The following REV3L variants were observed in gnomAD, a reference collection of about 807,000 sequenced individuals.
The protein encoded by REV3L is REV3 like, DNA directed polymerase zeta catalytic subunit, also known as DNA polymerase zeta catalytic subunit.
In REV3L, 69 loss-of-function variants were observed where a neutral mutation model predicts 299.4. The ratio of observed to expected loss-of-function variants is 0.23; its 90% CI spans 0.19 to 0.28. REV3L has a LOEUF of 0.28. Ranked by LOEUF, REV3L falls within the 10% of genes least tolerant of loss-of-function variation. REV3L has a pLI of 1.00. For missense variants in REV3L, 3,128 were observed against 3,693.8 expected, an observed-to-expected ratio of 0.85 and a Z score of 3.97; for synonymous variants, 1,238 against 1,271.4, an observed-to-expected ratio of 0.97 and a Z score of 0.56.
At chr6:111,420,533 C>T (rs867934821) in intron 1 of REV3L, among the ~76,000 whole-genome samples, 1 of 152,192 alleles carries the variant, frequency 6.6e-6, no homozygotes. Flanking sequence ...AAGGTTCCCT[C>T]TTACTATCAT....
chr6:111,305,378 T>C (rs887648166), intron 31 of REV3L, among the ~76,000 whole-genome samples: 2 of 151,740 alleles, frequency 1.3e-5, no homozygotes, highest in Non-Finnish European at 2.9e-5. Context: ...ATTGCTTGAG[T>C]CCAACAGTTT....
chr6:111,399,042 G>T (rs1213972212), intron 4 of REV3L, among the ~76,000 whole-genome samples: 1 of 152,050 alleles, frequency 6.6e-6, no homozygotes, highest in Admixed American at 6.5e-5. Flanking sequence ...ACCCTTCTGA[G>T]TACCATTCCA....
intron 7 of REV3L, 125 bp from the exon 8 acceptor site, chr6:111,388,210 C>T: frequency 3.2e-6 from 2 of 632,700 alleles, no homozygotes; most frequent in East Asian, 2.7e-5. Context: ...CATAATACAA[C>T]CTAACTGTAG....
At position 111,329,884 on chromosome 6, in the gene REV3L, A is replaced by G. The variant is rs778257870; in HGVS notation, c.8035-146T>C. The G allele has an allele frequency of 3.9e-4, 248 of 640,798 alleles. 1 individual carries two copies. Among genetic ancestry groups the G allele is most frequent in the Non-Finnish European group, 5.8e-4 (214 of 371,556 alleles). The allele number at this position is 640,798 out of a possible 1,614,324, so 39.7% of individuals were successfully genotyped here. A position where few individuals can be genotyped will look rare whatever the true frequency, so the allele number is the denominator to read the frequency against. ...GTGACCATAGTATTAGTGGCCGTCA[A>G]TATAAAATCATCACATTTTATTTCT... On this transcript the variant is annotated intron_variant, in intron 24 of 31. Transcript: ENST00000368802.
intron 13 of REV3L, 24 bp downstream of exon 13, chr6:111,372,572 C>T (rs1351442587): frequency 6.8e-7 from 1 of 1,463,762 alleles, no homozygotes; most frequent in African/African-American, 1.4e-5. Flanking sequence ...TCAGAGTGAC[C>T]CAAGGGAAAA....
chr6:111,372,045 A>G (rs1280464514), intron 13 of REV3L, among the ~76,000 whole-genome samples: 1 of 152,216 alleles, frequency 6.6e-6, no homozygotes, highest in African/African-American at 2.4e-5. Context: ...CCATTTGCTA[A>G]TAACTGCATA....
At chr6:111,323,889 A>G (rs1050334583) in intron 25 of REV3L, among the ~76,000 whole-genome samples, 2 of 152,260 alleles carry the variant, frequency 1.3e-5, no homozygotes, top group Admixed American at 6.5e-5. Context: ...AATAGTATTT[A>G]AAAGGCTATT....
chr6:111,317,555 T>C (rs1250579783), intron 26 of REV3L, among the ~76,000 whole-genome samples: 1 of 152,184 alleles, frequency 6.6e-6, no homozygotes, highest in Non-Finnish European at 1.5e-5. Flanking sequence ...GGCATAATCA[T>C]GGCTCACTGC....
At chr6:111,344,191 T>C (rs1472969797) in intron 20 of REV3L, 148 bp from the exon 21 acceptor site, 1 of 591,040 alleles carries the variant, frequency 1.7e-6, no homozygotes, top group African/African-American at 1.9e-5. Flanking sequence ...TGAATCATAA[T>C]TCAAAACTAT....
chr6:111,349,678 TG>T (rs1223958749), intron 19 of REV3L, among the ~76,000 whole-genome samples: 3 of 152,198 alleles, frequency 2.0e-5, no homozygotes, highest in Non-Finnish European at 4.4e-5. Context: ...GCAATCCGCC[TG>T]CCTCAGCTGC....
chr6:111,377,832 C>A lies in REV3L; in HGVS notation c.1466G>T (p.Arg489Ile). 1 of 1,611,452 alleles carries A rather than the reference C, an allele frequency of 6.2e-7. No homozygotes were observed. The highest frequency in any genetic ancestry group is 8.5e-7 in the Non-Finnish European group (1 of 1,179,014). Reference sequence around the variant, plus strand: ...TTCAGTTGAACTTCTGTGGGTATTTCTGCACAGTGATCTGGAGAACATTAA... The same window carrying A: ...TTCAGTTGAACTTCTGTGGGTATTTATGCACAGTGATCTGGAGAACATTAA... The part of the protein sequence containing the change: ...EHCAKKRSLC[R>I]NTHRSSTEDD... Residue 489 changes from arginine to isoleucine, a missense_variant, in exon 12 of 32, where the codon AGA (arginine) becomes ATA (isoleucine). Physicochemically the swap from Arg to Ile is moderately conservative, Grantham distance 97. This residue lies in a region of REV3L where 2,409 missense variants were observed against 2,611.8 expected (regional missense o/e 0.92). Transcript: ENST00000368802.
At chr6:111,432,193 G>T (rs889033561) in intron 1 of REV3L, among the ~76,000 whole-genome samples, 1 of 152,190 alleles carries the variant, frequency 6.6e-6, no homozygotes, top group African/African-American at 2.4e-5. Context: ...AATGACAGTA[G>T]TAAGTTTACT....
chr6:111,342,891 C>G (rs1317646883), intron 21 of REV3L, among the ~76,000 whole-genome samples: 1 of 152,032 alleles, frequency 6.6e-6, no homozygotes, highest in East Asian at 1.9e-4. Flanking sequence ...GGAACAAAAT[C>G]TTTAGAGTGG....
chr6:111,449,148 T>C (rs1789209113), intron 1 of REV3L, among the ~76,000 whole-genome samples: 1 of 152,186 alleles, frequency 6.6e-6, no homozygotes, highest in African/African-American at 2.4e-5. Flanking sequence ...CCTGAAATAA[T>C]TAATAAACAG....
chr6:111,314,838 ATATTTAAATAC>A (rs1361174068), intron 27 of REV3L, among the ~76,000 whole-genome samples: 1 of 150,850 alleles, frequency 6.6e-6, no homozygotes, highest in African/African-American at 2.4e-5. Context: ...AAAAGAGAAA[ATATTTAAATAC>A]TTTTTTTTTT....
At chr6:111,409,270 C>T (rs1783984048) in intron 3 of REV3L, among the ~76,000 whole-genome samples, 1 of 151,304 alleles carries the variant, frequency 6.6e-6, no homozygotes, top group East Asian at 1.9e-4. Context: ...CATTTTGTCA[C>T]ATAAATGTTA....
intron 24 of REV3L, 99 bp from the exon 25 acceptor site, chr6:111,329,837 A>T: frequency 2.3e-6 from 2 of 855,918 alleles, no homozygotes. Context: ...ACTGTCAGGA[A>T]TTGAAACATG....
intron 14 of REV3L, among the ~76,000 whole-genome samples, chr6:111,366,184 A>G (rs945534225): frequency 1.3e-5 from 2 of 152,186 alleles, no homozygotes; most frequent in Non-Finnish European, 2.9e-5. Context: ...AGGCATGTAT[A>G]TATAAGTGTG....
chr6:111,398,100 T>C (rs1782717938), intron 4 of REV3L, among the ~76,000 whole-genome samples: 2 of 149,814 alleles, frequency 1.3e-5, no homozygotes, highest in African/African-American at 4.9e-5. Context: ...TCTAATAACA[T>C]TTGCTTTCAA....
Sources: gnomAD v4.1 joint callset for allele counts (sites outside exome capture counted in the v4.1 genomes callset) on GRCh38, gnomAD v4.1.1 for gene constraint, gnomAD v4.1.1 regional missense constraint, MANE v1.5 for transcripts, NCBI Gene and HGNC (gene_info 2026-07-23, HGNC 2026-07-21) for gene names.